KIAA2012: variants seen among roughly 807,000 people sequenced by gnomAD.
The protein encoded by KIAA2012 is uncharacterized protein KIAA2012.
In KIAA2012, 125 loss-of-function variants were observed where a neutral mutation model predicts 150.6. The observed-to-expected ratio is 0.83, with a 90% CI of 0.72 to 0.96. The LOEUF is 0.96. KIAA2012 is among the 40% of genes least tolerant of loss of function. KIAA2012 has a pLI of 0.00. For synonymous variants in KIAA2012, 462 were observed against 504.7 expected (o/e 0.92, Z 1.13); for missense variants, 1,219 against 1,354.9 (o/e 0.90, Z 1.57).
rs1170344474 is a variant in KIAA2012 at position 202,104,431 on chromosome 2, C to T, written c.1324+1317C>T. On this transcript the variant is annotated intron_variant, in intron 8 of 23. Transcript: ENST00000498697. The surrounding 1 kb of genome is among the most constrained non-coding windows in gnomAD (Gnocchi z 4.3). ...ACAGTTCCAAGAGGAGGAGGCACACCACACCATGCAGGGCCACACGGGGGC... is the reference window on the plus strand; with the variant it reads ...ACAGTTCCAAGAGGAGGAGGCACACTACACCATGCAGGGCCACACGGGGGC... Among the ~76,000 whole-genome samples the T allele has an allele frequency of 6.6e-6, 1 of 152,130 alleles. No individual in the cohort carries two copies. Among genetic ancestry groups the T allele is most frequent in the Non-Finnish European group, 1.5e-5 (1 of 68,034 alleles).
intron 15 of KIAA2012, among the ~76,000 whole-genome samples, chr2:202,171,253 T>C (rs1691884118): frequency 6.6e-6 from 1 of 151,790 alleles, no homozygotes; most frequent in Admixed American, 6.6e-5. Context: ...AATGAAAAGA[T>C]TCTTCAAGCA....
intron 11 of KIAA2012, among the ~76,000 whole-genome samples, chr2:202,122,397 C>G (rs1413741657): frequency 6.6e-6 from 1 of 152,188 alleles, no homozygotes; most frequent in East Asian, 1.9e-4. Flanking sequence ...GCATCTCAAC[C>G]AGCACTCTGA....
Position 202,081,543 on chromosome 2 carries a change from CTT to C in KIAA2012, c.369+6387_369+6388del, listed in dbSNP as rs71025274. ...TTACTTTCTGTTTTCTTTTTAAACACTTTTTTTTTTTTTTTTTTTTGCTGACG... is the reference window on the plus strand; with the variant it reads ...TTACTTTCTGTTTTCTTTTTAAACACTTTTTTTTTTTTTTTTTTGCTGACG... On this transcript the variant is annotated intron_variant, in intron 2 of 23. Coordinates refer to ENST00000498697, the MANE Select transcript of KIAA2012 (RefSeq NM_001277372.4). 4.5e-3 allele frequency among the ~76,000 whole-genome samples: 502 copies of C among 112,728 alleles called. 2 individuals are homozygous for C. The highest frequency in any genetic ancestry group is 0.012 in the African/African-American group (374 of 31,626). The allele number at this position is 112,728 out of a possible 152,430, so 74.0% of individuals were successfully genotyped here.
chr2:202,140,589 C>T (rs1333386220), intron 13 of KIAA2012, among the ~76,000 whole-genome samples: 2 of 152,194 alleles, frequency 1.3e-5, no homozygotes, highest in African/African-American at 2.4e-5. Flanking sequence ...TCCTGCACCC[C>T]CGCTTACTTC....
At chr2:202,158,162 T>G (rs1691567890) in intron 14 of KIAA2012, among the ~76,000 whole-genome samples, 1 of 152,036 alleles carries the variant, frequency 6.6e-6, no homozygotes, top group African/African-American at 2.4e-5. Flanking sequence ...GCCAGGCTAA[T>G]TTTTTGTATT....
chr2:202,187,154 G>T, intron 17 of KIAA2012, 56 bp downstream of exon 17: 1 of 1,527,102 alleles, frequency 6.5e-7, no homozygotes, highest in Non-Finnish European at 8.8e-7. Context: ...TCTCATCAAG[G>T]ATACCATGCA....
chr2:202,139,900 G>A (rs899239884), intron 13 of KIAA2012, among the ~76,000 whole-genome samples: 4 of 152,096 alleles, frequency 2.6e-5, no homozygotes, highest in Admixed American at 6.6e-5. Context: ...ACAGCCCCAC[G>A]GTTCTATTCC....
chr2:202,109,270 G>A (rs184321723), intron 9 of KIAA2012, among the ~76,000 whole-genome samples: 193 of 152,232 alleles, frequency 1.3e-3, no homozygotes, highest in African/African-American at 4.3e-3. Flanking sequence ...GATTTCATCC[G>A]TAAGATGAGA....
At chr2:202,132,289 C>G (rs1575028397) in intron 12 of KIAA2012, among the ~76,000 whole-genome samples, 1 of 152,136 alleles carries the variant, frequency 6.6e-6, no homozygotes, top group African/African-American at 2.4e-5. Context: ...TGACTCCCAG[C>G]TATGTAGAGA....
At chr2:202,176,234 C>G (rs1691986764) in intron 15 of KIAA2012, among the ~76,000 whole-genome samples, 1 of 150,210 alleles carries the variant, frequency 6.7e-6, no homozygotes, top group South Asian at 2.1e-4. Context: ...GAGTCTCGCT[C>G]TATTGCCCAG....
intron 22 of KIAA2012, among the ~76,000 whole-genome samples, chr2:202,202,059 T>C (rs1692540693): frequency 6.6e-6 from 1 of 152,228 alleles, no homozygotes; most frequent in African/African-American, 2.4e-5. Context: ...GATTTCACCA[T>C]GTTGCTCAGG....
intron 15 of KIAA2012, among the ~76,000 whole-genome samples, chr2:202,176,219 G>A (rs1035876327): frequency 6.9e-6 from 1 of 144,126 alleles, no homozygotes; most frequent in Middle Eastern, 3.6e-3. Flanking sequence ...TTTTTTTTTG[G>A]GACGGAGTCT....
Position 202,174,885 on chromosome 2 carries a change from G to A in KIAA2012, c.2119+9529G>A, listed in dbSNP as rs746963779. Among the ~76,000 whole-genome samples, 5 of 152,022 alleles carry A rather than the reference G, an allele frequency of 3.3e-5. 1 individual carries two copies. The highest frequency in any genetic ancestry group is 7.4e-5 in the Non-Finnish European group (5 of 68,022). On this transcript the variant is annotated intron_variant, in intron 15 of 23. Transcript: ENST00000498697. ...ATATGTATACATGTGCCATGCTGGTGCGCTGCACCGAGAAATGACTTTTAA... is the reference window on the plus strand; with the variant it reads ...ATATGTATACATGTGCCATGCTGGTACGCTGCACCGAGAAATGACTTTTAA...
chr2:202,164,630 A>G (rs1411480208), intron 14 of KIAA2012, among the ~76,000 whole-genome samples: 1 of 152,178 alleles, frequency 6.6e-6, no homozygotes, highest in African/African-American at 2.4e-5. Context: ...ATTTGTTCTC[A>G]AGATAAAGAC....
chr2:202,105,745 C>T lies in KIAA2012; in HGVS notation c.1325-16C>T. The T allele has an allele frequency of 6.5e-7, 1 of 1,548,222 alleles. No homozygotes were observed. The highest frequency in any genetic ancestry group is 1.2e-5 in the South Asian group (1 of 83,896). On this transcript the variant is annotated splice_polypyrimidine_tract_variant and intron_variant, in intron 8 of 23. Coordinates refer to ENST00000498697, the MANE Select transcript of KIAA2012 (RefSeq NM_001277372.4). ...ACAGACCTCTGCTACAATTCAGCCTCCTCTTTGTCTCCTAGGTGCTCCACA... is the reference window on the plus strand; with the variant it reads ...ACAGACCTCTGCTACAATTCAGCCTTCTCTTTGTCTCCTAGGTGCTCCACA...
Position 202,154,759 on chromosome 2 carries a change from A to G in KIAA2012, c.1995A>G (p.Arg665=), listed in dbSNP as rs1214718185. The G allele has an allele frequency of 1.3e-6, 2 of 1,550,180 alleles. No homozygotes were observed. Among genetic ancestry groups the G allele is most frequent in the East Asian group, 2.4e-5 (1 of 40,942 alleles). ...ATAAAGCGCTGATATGTTCAAACAG[A>G]AAAGAATTTTACACGCGCAAGCTGC... ...CINKALICSN[R]KEFYTRKLHI... is the part of the protein sequence containing the mutation. Residue 665 remains arginine (R), a synonymous_variant, in exon 14 of 24, where the codon AGA becomes AGG. Coordinates refer to ENST00000498697, the MANE Select transcript of KIAA2012 (RefSeq NM_001277372.4).
At chr2:202,105,284 A>AGGAAG (rs754597277) in intron 8 of KIAA2012, among the ~76,000 whole-genome samples, 12 of 150,810 alleles carry the variant, frequency 8.0e-5, no homozygotes, top group South Asian at 2.1e-4. Context: ...AAGGAAGGGA[A>AGGAAG]GGAAGGAAGG....
At chr2:202,198,072 G>C (rs1185906683) in intron 22 of KIAA2012, among the ~76,000 whole-genome samples, 2 of 150,904 alleles carry the variant, frequency 1.3e-5, no homozygotes, top group African/African-American at 2.4e-5. Flanking sequence ...TACTCGGGAG[G>C]CTGAGACAGG....
chr2:202,076,057 G>T (rs1334308800), intron 2 of KIAA2012, among the ~76,000 whole-genome samples: 1 of 152,020 alleles, frequency 6.6e-6, no homozygotes, highest in Non-Finnish European at 1.5e-5. Context: ...CTCCATTTTT[G>T]CACACACCTC....
Sources: allele counts gnomAD v4.1 joint callset (sites outside exome capture counted in the v4.1 genomes callset), GRCh38; gene constraint gnomAD v4.1.1; non-coding constraint Gnocchi (gnomAD v3.1); transcripts MANE v1.5; gene names NCBI Gene and HGNC (gene_info 2026-07-23, HGNC 2026-07-21).